CENPF: variants seen among roughly 807,000 people sequenced by gnomAD.
CENPF encodes centromere protein F, also known as AH antigen.
In CENPF, 214 loss-of-function variants were observed where a neutral mutation model predicts 307.3. That is an observed-to-expected ratio of 0.70 (90% confidence interval 0.62 to 0.78). The LOEUF is 0.78. Among genes scored for constraint, CENPF ranks in the 30% least tolerant of loss-of-function variants. The pLI is 0.00. For synonymous variants in CENPF, 1,259 were observed against 1,270.6 expected (o/e 0.99, Z 0.19); for missense variants, 3,401 against 3,483.9 (o/e 0.98, Z 0.60).
At chr1:214,634,174 T>C (rs1435786186) in intron 10 of CENPF, among the ~76,000 whole-genome samples, 4 of 152,222 alleles carry the variant, frequency 2.6e-5, no homozygotes, top group African/African-American at 7.2e-5. Context: ...TGGTATATCA[T>C]TGATGTCTGT....
rs1242611461 is a variant in CENPF, at chr1:214,651,726, T to C, written c.8000T>C (p.Leu2667Pro). The C allele has an allele frequency of 1.3e-6, 2 of 1,589,586 alleles. No individual in the cohort carries two copies. Among genetic ancestry groups the C allele is most frequent in the Non-Finnish European group, 1.7e-6 (2 of 1,173,284 alleles). ...TCTGTTTAGGATCAATTGAAGGAGCTCACACTAGAAAATAGTGAATTGAAG... is the reference window on the plus strand; with the variant it reads ...TCTGTTTAGGATCAATTGAAGGAGCCCACACTAGAAAATAGTGAATTGAAG... ...IKSSKDQLKE[L>P]TLENSELKKS... Residue 2667 changes from leucine (L) to proline (P), a missense_variant, in exon 15 of 20, where the codon CTC becomes CCC. Coordinates refer to ENST00000366955, the MANE Select transcript of CENPF (RefSeq NM_016343.4).
intron 7 of CENPF, among the ~76,000 whole-genome samples, chr1:214,625,682 A>G (rs1410241621): frequency 6.6e-6 from 1 of 150,664 alleles, no homozygotes; most frequent in East Asian, 1.9e-4. Flanking sequence ...TTGTTTGAAC[A>G]TTTTTTAAAA....
Position 214,658,949 on chromosome 1 carries a change from C to T in CENPF, c.9062C>T (p.Ala3021Val), listed in dbSNP as rs780964876. Residue 3021 changes from alanine (A) to valine (V), a missense_variant, in exon 19 of 20, where the codon GCG (alanine) becomes GTG (valine). Transcript: ENST00000366955. The stretch of plus-strand genomic sequence containing the variant: ...CCCCGCCTGGCTGCACAGAAGTTAG[C>T]GCTATCCCCACTGAGTCTCGGCAAA... ...TSPRLAAQKL[A>V]LSPLSLGKEN... is the part of the protein sequence containing the mutation. The T allele has an allele frequency of 8.7e-6, 14 of 1,613,976 alleles. No homozygotes were observed. Among genetic ancestry groups the T allele is most frequent in the South Asian group, 3.3e-5 (3 of 91,084 alleles).
At chr1:214,635,828 G>A (rs966922514) in intron 10 of CENPF, among the ~76,000 whole-genome samples, 3 of 152,080 alleles carry the variant, frequency 2.0e-5, no homozygotes, top group African/African-American at 7.2e-5. Flanking sequence ...CATGGATCGA[G>A]ACCAACAAAC....
chr1:214,644,909 C>T lies in CENPF; in HGVS notation c.5339C>T (p.Ser1780Leu). Residue 1780 changes from serine to leucine, a missense_variant, in exon 13 of 20, where the codon TCA becomes TTA. Transcript: ENST00000366955. ...HNLQLRVKET[S>L]NENLRLLHVI... is the part of the protein sequence containing the mutation. ...CTTCAACTGCGGGTAAAAGAGACAT[C>T]AAATGAGAATTTGAGATTACTTCAT... The T allele has an allele frequency of 1.2e-6, 2 of 1,613,856 alleles. No homozygotes were observed. Among genetic ancestry groups the T allele is most frequent in the Non-Finnish European group, 1.7e-6 (2 of 1,179,960 alleles).
chr1:214,648,039 GCTTA>G (rs1658361550), intron 13 of CENPF: 14 of 455,170 alleles, frequency 3.1e-5, no homozygotes, highest in South Asian at 2.2e-4. Context: ...GGCCCAGTGA[GCTTA>G]CTTAGTGATC....
At chr1:214,628,393 T>C (rs988985992) in intron 7 of CENPF, among the ~76,000 whole-genome samples, 4 of 152,008 alleles carry the variant, frequency 2.6e-5, no homozygotes, top group African/African-American at 4.8e-5. Context: ...TTTTTTTTTT[T>C]CCTGAGATTT....
rs1278867592 is a variant in CENPF at position 214,620,933 on chromosome 1, A to T, written c.852A>T (p.Lys284Asn). The T allele has an allele frequency of 1.1e-5, 17 of 1,607,090 alleles. No homozygotes were observed. The highest frequency in any genetic ancestry group is 1.4e-5 in the Non-Finnish European group (17 of 1,176,792). Residue 284 changes from lysine to asparagine, a missense_variant, in exon 6 of 20, where the codon AAA (lysine) becomes AAT (asparagine). By Grantham distance (94) the Lys-to-Asn change is moderately conservative. Transcript: ENST00000366955. ...SSSPHLLDQL[K>N]AQNQELRNKI... is the part of the protein sequence containing the mutation. ...GTCCTCATCTTTTGGATCAATTAAAAGCGCAGAATCAAGGTAACATTGAGC... is the reference window on the plus strand; with the variant it reads ...GTCCTCATCTTTTGGATCAATTAAATGCGCAGAATCAAGGTAACATTGAGC...
chr1:214,618,712 T>C lies in CENPF; in HGVS notation c.481+18T>C. ...TTATAGTGGTAATGCATTTTCTTCC[T>C]TGGTATAGACAGCTTTTTGTTTAGC... On this transcript the variant is annotated intron_variant, in intron 4 of 19. Coordinates refer to ENST00000366955, the MANE Select transcript of CENPF (RefSeq NM_016343.4). 6.2e-7 allele frequency: 1 copy of C among 1,609,334 alleles called. No individual in the cohort carries two copies. Among genetic ancestry groups the C allele is most frequent in the Non-Finnish European group, 8.5e-7 (1 of 1,178,348 alleles).
rs1658148428 is a variant in CENPF, at chr1:214,642,363, T to C, written c.4025T>C (p.Leu1342Pro). 1 of 1,612,668 alleles carries C rather than the reference T, an allele frequency of 6.2e-7. No individual in the cohort carries two copies. Among genetic ancestry groups the C allele is most frequent in the African/African-American group, 1.3e-5 (1 of 74,822 alleles). The change falls in exon 12 of 20, where the codon CTA becomes CCA. Residue 1342 changes from leucine (L) to proline (P), a missense_variant. Coordinates refer to ENST00000366955, the MANE Select transcript of CENPF (RefSeq NM_016343.4). ...TRKMAEEVGK[L>P]LNEVKILNDD... ...AAAATGGCAGAAGAGGTAGGGAAAC[T>C]ACTAAATGAAGTTAAAATATTAAAT...
intron 7 of CENPF, among the ~76,000 whole-genome samples, chr1:214,624,795 C>T (rs952765604): frequency 1.3e-5 from 2 of 151,770 alleles, no homozygotes; most frequent in African/African-American, 4.8e-5. Context: ...GTCATTAGGA[C>T]CTGTTGGTTG....
At chr1:214,620,043 CA>C (rs74945063) in intron 5 of CENPF, among the ~76,000 whole-genome samples, 5 of 151,586 alleles carry the variant, frequency 3.3e-5, no homozygotes, top group African/African-American at 9.7e-5. Context: ...CTTCCTATGG[CA>C]AAAAAAAGTG....
intron 1 of CENPF, among the ~76,000 whole-genome samples, chr1:214,610,300 A>C (rs994633426): frequency 6.6e-6 from 1 of 151,658 alleles, no homozygotes; most frequent in Non-Finnish European, 1.5e-5. Context: ...ACTAATTTGC[A>C]CTCCCACCAA....
chr1:214,605,724 C>T (rs1657007584), intron 1 of CENPF: 7 of 1,594,000 alleles, frequency 4.4e-6, no homozygotes, highest in Non-Finnish European at 5.9e-6. Context: ...CGCAGGCCCT[C>T]CAGGTACTGG....
At position 214,647,345 on chromosome 1, in the gene CENPF, A is replaced by G. The variant is rs141793562; in HGVS notation, c.7775A>G (p.Asn2592Ser). The change falls in exon 13 of 20, where the codon AAT (asparagine) becomes AGT (serine). Residue 2592 changes from asparagine (N) to serine (S), a missense_variant. Physicochemically the swap from Asn to Ser is conservative, Grantham distance 46. Transcript: ENST00000366955. ...TLEVLQSSYKNLENELELTKM... is the reference protein window; with the variant it reads ...TLEVLQSSYKSLENELELTKM... ...GAAGTGCTGCAGAGTTCTTACAAGAATCTAGAGAATGAGCTTGAATTGACA... is the reference window on the plus strand; with the variant it reads ...GAAGTGCTGCAGAGTTCTTACAAGAGTCTAGAGAATGAGCTTGAATTGACA... 1.2e-6 allele frequency: 2 copies of G among 1,612,958 alleles called. No individual in the cohort carries two copies. The highest frequency in any genetic ancestry group is 1.7e-6 in the Non-Finnish European group (2 of 1,179,614).
chr1:214,608,116 C>A (rs1226825536), intron 1 of CENPF, among the ~76,000 whole-genome samples: 1 of 152,228 alleles, frequency 6.6e-6, no homozygotes, highest in Non-Finnish European at 1.5e-5. Flanking sequence ...GAAGGACCGC[C>A]TGGCCACACC....
At position 214,657,254 on chromosome 1, in the gene CENPF, G is replaced by A; in HGVS notation, c.8807G>A (p.Ser2936Asn). Residue 2936 changes from serine to asparagine, a missense_variant, in exon 18 of 20, where the codon AGT (serine) becomes AAT (asparagine). Ser to Asn is a conservative substitution (Grantham distance 46). Transcript: ENST00000366955. ...NKASGKRQRS[S>N]GIWENGRGPT... ...GCTTCAGGCAAGAGGCAAAGATCCAGTGGAATATGGGAGAATGGTAGAGGA... is the reference window on the plus strand; with the variant it reads ...GCTTCAGGCAAGAGGCAAAGATCCAATGGAATATGGGAGAATGGTAGAGGA... 1 of 1,614,154 alleles carries A rather than the reference G, an allele frequency of 6.2e-7. No individual in the cohort carries two copies. Among genetic ancestry groups the A allele is most frequent in the South Asian group, 1.1e-5 (1 of 91,078 alleles).
intron 13 of CENPF, among the ~76,000 whole-genome samples, chr1:214,647,738 A>G (rs1252364150): frequency 2.0e-5 from 3 of 152,140 alleles, no homozygotes; most frequent in African/African-American, 7.2e-5. Flanking sequence ...TGGCCTCCCC[A>G]TATCCAGTTG....
Position 214,651,780 on chromosome 1 carries a change from A to G in CENPF, c.8054A>G (p.Gln2685Arg), listed in dbSNP as rs745645880. ...KKSLDCMHKD[Q>R]VEKEGKVREE... ...AGCCTAGATTGCATGCACAAAGACC[A>G]GGTGGAAAAGGAAGGGAAAGTGAGA... is the stretch of plus-strand genomic sequence containing the variant. Residue 2685 changes from glutamine to arginine, a missense_variant, in exon 15 of 20, where the codon CAG becomes CGG. Gln to Arg is a conservative substitution (Grantham distance 43). Coordinates refer to ENST00000366955, the MANE Select transcript of CENPF (RefSeq NM_016343.4). 1 of 1,613,524 alleles carries G rather than the reference A, an allele frequency of 6.2e-7. No homozygotes were observed. Among genetic ancestry groups the G allele is most frequent in the Non-Finnish European group, 8.5e-7 (1 of 1,179,778 alleles).
Sources: allele counts gnomAD v4.1 joint callset (sites outside exome capture counted in the v4.1 genomes callset), GRCh38; gene constraint gnomAD v4.1.1; transcripts MANE v1.5; gene names NCBI Gene and HGNC (gene_info 2026-07-23, HGNC 2026-07-21).